Variants in SLC17A6 observed in about 807,000 individuals in gnomAD.
The protein encoded by SLC17A6 is vesicular glutamate transporter 2.
Under a neutral mutation model 67.1 loss-of-function variants are expected in SLC17A6, and 35 were observed. The ratio of observed to expected loss-of-function variants is 0.52; its 90% CI spans 0.40 to 0.69. The LOEUF (loss-of-function observed/expected upper bound fraction) is 0.69. SLC17A6 is among the 30% of genes least tolerant of loss of function. The probability of loss-of-function intolerance (pLI) is 0.00; values close to 1 mark genes in which losing one functional copy is unlikely to be tolerated. For missense variants in SLC17A6, 588 were observed against 723.9 expected (o/e 0.81, Z 2.15); for synonymous variants, 285 against 252.3 (o/e 1.13, Z -1.23).
At chr11:22,344,705 A>C (rs897634004) in intron 3 of SLC17A6, among the ~76,000 whole-genome samples, 3 of 152,186 alleles carry the variant, frequency 2.0e-5, no homozygotes, top group African/African-American at 7.2e-5. Flanking sequence ...TTATCCATTC[A>C]TCTGCTGATG....
In SLC17A6 at chr11:22,342,884, T is replaced by C. The variant is rs1341514204; in HGVS notation, c.340-363T>C. On this transcript the variant is annotated intron_variant, in intron 2 of 11. Transcript: ENST00000263160. ...GTCTGCATTGGCCGGATTCGTTAAG[T>C]GGACCCCTGACAGGCGTCTCCACAT... 3 of 460,006 alleles carry C rather than the reference T, an allele frequency of 6.5e-6. No homozygotes were observed. In the East Asian group the frequency reaches 2.0e-4, roughly 31 times the overall value. The allele number at this position is 460,006 out of a possible 1,614,324, so 28.5% of individuals were successfully genotyped here.
intron 8 of SLC17A6, among the ~76,000 whole-genome samples, chr11:22,373,530 C>G (rs59889745): frequency 5.3e-5 from 8 of 151,926 alleles, no homozygotes; most frequent in African/African-American, 1.9e-4. Flanking sequence ...CTGCTACATA[C>G]CAAGTTTTGT....
At chr11:22,341,055 G>T (rs1379513525) in intron 1 of SLC17A6, among the ~76,000 whole-genome samples, 3 of 152,220 alleles carry the variant, frequency 2.0e-5, no homozygotes, top group African/African-American at 7.2e-5. Flanking sequence ...CGCCTGCAGC[G>T]GAGCAGCTCT....
chr11:22,377,820 T>C lies in SLC17A6; in HGVS notation c.*80T>C. On this transcript the variant is annotated 3_prime_UTR_variant, in exon 12 of 12. Coordinates refer to ENST00000263160, the MANE Select transcript of SLC17A6 (RefSeq NM_020346.3). The stretch of plus-strand genomic sequence containing the variant: ...GCACAAAAATTTTAAAAACACGTGA[T>C]GTAAACTTGCAAGCATATCAACCAG... The C allele has an allele frequency of 8.4e-7, 1 of 1,187,128 alleles. No individual in the cohort carries two copies. The highest frequency in any genetic ancestry group is 1.7e-5 in the South Asian group (1 of 59,100). The allele number at this position is 1,187,128 out of a possible 1,614,324, so 73.5% of individuals were successfully genotyped here.
chr11:22,341,917 CGTTCT>C, intron 2 of SLC17A6, 137 bp downstream of exon 2: 2 of 1,316,576 alleles, frequency 1.5e-6, no homozygotes. Context: ...CTGGCTCTGC[CGTTCT>C]AGAATGGACC....
intron 3 of SLC17A6, among the ~76,000 whole-genome samples, chr11:22,353,453 A>G (rs2133865427): frequency 6.6e-6 from 1 of 152,352 alleles, no homozygotes; most frequent in East Asian, 1.9e-4. Flanking sequence ...AGGCTAAAAG[A>G]ATTTAAGTAA....
chr11:22,354,355 A>T (rs1427866749), intron 3 of SLC17A6, among the ~76,000 whole-genome samples: 1 of 152,222 alleles, frequency 6.6e-6, no homozygotes, highest in East Asian at 1.9e-4. Context: ...AAATGCTGGG[A>T]TTACAGGCGT....
chr11:22,343,267 C>G lies in SLC17A6; in HGVS notation c.360C>G (p.Asp120Glu), dbSNP rs373587525. The stretch of plus-strand genomic sequence containing the variant: ...CATAGAAAGCCAAATTCAACTGGGA[C>G]CCGGAAACCGTGGGGATGATCCACG... Reference protein sequence around the residue: ...VIKEKAKFNWDPETVGMIHGS... With the variant: ...VIKEKAKFNWEPETVGMIHGS... The change falls in exon 3 of 12, where the codon GAC becomes GAG. Residue 120 changes from aspartate (D) to glutamate (E), a missense_variant. Transcript: ENST00000263160. 1.9e-6 allele frequency: 3 copies of G among 1,613,582 alleles called. No homozygotes were observed. Among genetic ancestry groups the G allele is most frequent in the Non-Finnish European group, 2.5e-6 (3 of 1,179,862 alleles).
At chr11:22,372,047 A>C (rs999969197) in intron 8 of SLC17A6, among the ~76,000 whole-genome samples, 3 of 152,066 alleles carry the variant, frequency 2.0e-5, no homozygotes, top group Non-Finnish European at 4.4e-5. Context: ...AATGATAATG[A>C]TATTATTTAA....
At chr11:22,341,327 G>A (rs918338056) in intron 1 of SLC17A6, among the ~76,000 whole-genome samples, 3 of 152,160 alleles carry the variant, frequency 2.0e-5, no homozygotes, top group Non-Finnish European at 2.9e-5. Flanking sequence ...CGCCGCCGCC[G>A]CGGCCAAGGG....
At chr11:22,343,120 A>C in intron 2 of SLC17A6, 127 bp from the exon 3 acceptor site, 1 of 779,236 alleles carries the variant, frequency 1.3e-6, no homozygotes. Context: ...AAATGAAGCC[A>C]CTCTTATCCC....
chr11:22,364,188 G>C (rs1030258568), intron 6 of SLC17A6, among the ~76,000 whole-genome samples: 3 of 152,068 alleles, frequency 2.0e-5, no homozygotes, highest in Non-Finnish European at 1.5e-5. Flanking sequence ...AGATTAAAGA[G>C]ATAAGATCAG....
At position 22,360,956 on chromosome 11, in the gene SLC17A6, G is replaced by T. The variant is rs949352338; in HGVS notation, c.633G>T (p.Arg211Ser). The T allele has an allele frequency of 1.9e-6, 3 of 1,613,970 alleles. No individual in the cohort carries two copies. Among genetic ancestry groups the T allele is most frequent in the Non-Finnish European group, 2.5e-6 (3 of 1,179,878 alleles). The change falls in exon 5 of 12, where the codon AGG becomes AGT. Residue 211 changes from arginine to serine, a missense_variant. Around this residue, in one of 4 missense-constraint regions of SLC17A6, gnomAD observed 414 missense variants for 563.4 expected, o/e 0.73. Transcript: ENST00000263160. ...IWSKWAPPLE[R>S]SRLATTSFCG... Reference sequence around the variant, plus strand: ...GCAAATGGGCCCCACCTCTAGAGAGGAGTAGACTGGCAACCACCTCCTTTT... The same window carrying T: ...GCAAATGGGCCCCACCTCTAGAGAGTAGTAGACTGGCAACCACCTCCTTTT...
At chr11:22,366,612 T>C (rs1856115571) in intron 7 of SLC17A6, among the ~76,000 whole-genome samples, 1 of 152,218 alleles carries the variant, frequency 6.6e-6, no homozygotes, top group Non-Finnish European at 1.5e-5. Flanking sequence ...AAAACATAGT[T>C]CTATTTCAAT....
chr11:22,341,662 C>G lies in SLC17A6; in HGVS notation c.221C>G (p.Ala74Gly). ...CFGLPRRYII[A>G]IMSGLGFCIS... Reference sequence around the variant, plus strand: ...GGCCTGCCCCGCCGCTACATTATCGCCATCATGAGCGGCCTGGGCTTCTGC... The same window carrying G: ...GGCCTGCCCCGCCGCTACATTATCGGCATCATGAGCGGCCTGGGCTTCTGC... Residue 74 changes from alanine to glycine, a missense_variant, in exon 2 of 12, where the codon GCC becomes GGC. By Grantham distance (60) the Ala-to-Gly change is moderately conservative (BLOSUM62 0). Transcript: ENST00000263160. The G allele has an allele frequency of 6.2e-7, 1 of 1,614,222 alleles. No homozygotes were observed.
intron 3 of SLC17A6, among the ~76,000 whole-genome samples, chr11:22,348,744 T>G (rs1855905390): frequency 6.6e-6 from 1 of 152,212 alleles, no homozygotes; most frequent in Admixed American, 6.5e-5. Context: ...CCCAAAAGCA[T>G]GGCTTTAAAA....
chr11:22,364,960 G>A (rs192840898), intron 6 of SLC17A6, among the ~76,000 whole-genome samples: 160 of 152,210 alleles, frequency 1.1e-3, no homozygotes, highest in African/African-American at 3.4e-3. Flanking sequence ...ATACAGTCAC[G>A]TAAAGTGTTG....
At chr11:22,340,949 T>C (rs1398140815) in intron 1 of SLC17A6, among the ~76,000 whole-genome samples, 7 of 151,922 alleles carry the variant, frequency 4.6e-5, no homozygotes, top group Non-Finnish European at 1.5e-5. Flanking sequence ...AGGGGGTGGA[T>C]TGGGGAGCGG....
chr11:22,353,142 C>G (rs1010683502), intron 3 of SLC17A6, among the ~76,000 whole-genome samples: 4 of 152,086 alleles, frequency 2.6e-5, no homozygotes, highest in African/African-American at 9.7e-5. Context: ...TAATGGCTAA[C>G]CTTGACAAGC....
Sources: allele counts gnomAD v4.1 joint callset (sites outside exome capture counted in the v4.1 genomes callset), GRCh38; gene constraint gnomAD v4.1.1; regional missense constraint gnomAD v4.1.1; transcripts MANE v1.5; gene names NCBI Gene and HGNC (gene_info 2026-07-23, HGNC 2026-07-21).